CYP19A1: variants seen among roughly 807,000 people sequenced by gnomAD.
CYP19A1 encodes aromatase.
Under a neutral mutation model 44.4 loss-of-function variants are expected in CYP19A1, and 32 were observed. That is an observed-to-expected ratio of 0.72 (90% confidence interval 0.54 to 0.97). The LOEUF is 0.97. Ranked by LOEUF, CYP19A1 falls within the 50% of genes least tolerant of loss-of-function variation. The pLI is 0.00. For synonymous variants in CYP19A1, 212 were observed against 215.6 expected (o/e 0.98, Z 0.14); for missense variants, 598 against 637.8 (o/e 0.94, Z 0.67).
intron 1 of CYP19A1, among the ~76,000 whole-genome samples, chr15:51,291,277 C>G (rs915116219): frequency 2.6e-5 from 4 of 152,042 alleles, no homozygotes; most frequent in African/African-American, 9.7e-5. Context: ...AGATGACATC[C>G]CTTAATATTG....
chr15:51,292,297 G>A (rs1183291428), intron 1 of CYP19A1, among the ~76,000 whole-genome samples: 1 of 152,132 alleles, frequency 6.6e-6, no homozygotes, highest in Non-Finnish European at 1.5e-5. Flanking sequence ...GTTTTATAAT[G>A]TTTCTCCTTT....
At chr15:51,291,000 G>A (rs1265970299) in intron 1 of CYP19A1, among the ~76,000 whole-genome samples, 2 of 152,176 alleles carry the variant, frequency 1.3e-5, no homozygotes, top group African/African-American at 4.8e-5. Context: ...CAGATTGGAG[G>A]CTTTGGGATA....
At chr15:51,325,026 A>T (rs959544850) in intron 1 of CYP19A1, among the ~76,000 whole-genome samples, 2 of 152,180 alleles carry the variant, frequency 1.3e-5, no homozygotes, top group African/African-American at 2.4e-5. Context: ...GTTACAAGAA[A>T]AACAAAATAA....
At chr15:51,220,695 A>G (rs920272891) in intron 5 of CYP19A1, among the ~76,000 whole-genome samples, 3 of 152,352 alleles carry the variant, frequency 2.0e-5, no homozygotes, top group African/African-American at 7.2e-5. Context: ...GGTAATGAGG[A>G]TATTCATCAC....
chr15:51,317,056 G>A (rs995505844), intron 1 of CYP19A1, among the ~76,000 whole-genome samples: 2 of 151,992 alleles, frequency 1.3e-5, no homozygotes, highest in African/African-American at 4.8e-5. Flanking sequence ...TCCCAGTCCT[G>A]GGCTACCCTC....
At chr15:51,243,727 G>A (rs925310136) in intron 1 of CYP19A1, among the ~76,000 whole-genome samples, 21 of 152,246 alleles carry the variant, frequency 1.4e-4, no homozygotes, top group Non-Finnish European at 4.4e-5. Context: ...ACCAGCAATA[G>A]GCTCAGGTGC....
intron 3 of CYP19A1, among the ~76,000 whole-genome samples, chr15:51,228,671 G>A (rs968140157): frequency 6.6e-6 from 1 of 152,228 alleles, no homozygotes; most frequent in African/African-American, 2.4e-5. Flanking sequence ...GATGTGATGA[G>A]TCATGAGACA....
At chr15:51,240,941 C>G (rs1488763606) in intron 2 of CYP19A1, among the ~76,000 whole-genome samples, 1 of 152,230 alleles carries the variant, frequency 6.6e-6, no homozygotes, top group Non-Finnish European at 1.5e-5. Context: ...GTTTCCCCTT[C>G]TGTCAAATGA....
At chr15:51,320,353 C>A (rs540795100) in intron 1 of CYP19A1, 1 of 152,490 alleles carries the variant, frequency 6.6e-6, no homozygotes, top group South Asian at 2.1e-4. Flanking sequence ...CTGCTACCCC[C>A]AGCCCTGGGT....
At chr15:51,232,855 A>G (rs1387047081) in intron 3 of CYP19A1, among the ~76,000 whole-genome samples, 5 of 152,220 alleles carry the variant, frequency 3.3e-5, no homozygotes, top group Admixed American at 3.3e-4. Flanking sequence ...GCTGAAACAT[A>G]AATGAGTCAT....
intron 1 of CYP19A1, among the ~76,000 whole-genome samples, chr15:51,272,582 G>A (rs2035166458): frequency 6.6e-6 from 1 of 152,196 alleles, no homozygotes; most frequent in African/African-American, 2.4e-5. Context: ...CACAGAACCT[G>A]GCACAGAGAA....
intron 1 of CYP19A1, among the ~76,000 whole-genome samples, chr15:51,318,035 G>T (rs1222960211): frequency 6.6e-6 from 1 of 152,164 alleles, no homozygotes; most frequent in African/African-American, 2.4e-5. Flanking sequence ...GTTGCTAGAA[G>T]TGTAGGATCT....
chr15:51,238,142 C>T (rs1385276675), intron 2 of CYP19A1, among the ~76,000 whole-genome samples: 2 of 152,098 alleles, frequency 1.3e-5, no homozygotes, highest in African/African-American at 4.8e-5. Flanking sequence ...CTCTTTTTTC[C>T]CTTTAAATAA....
At chr15:51,289,929 C>A (rs2035804554) in intron 1 of CYP19A1, among the ~76,000 whole-genome samples, 2 of 152,136 alleles carry the variant, frequency 1.3e-5, no homozygotes, top group Admixed American at 1.3e-4. Flanking sequence ...CTGAACAGCA[C>A]CCCCAACTTC....
At chr15:51,328,582 G>GTT (rs1471017117) in intron 1 of CYP19A1, among the ~76,000 whole-genome samples, 2 of 141,242 alleles carry the variant, frequency 1.4e-5, no homozygotes, top group Non-Finnish European at 3.1e-5. Context: ...GTGTGTGTGT[G>GTT]TGTACATGTG....
intron 4 of CYP19A1, among the ~76,000 whole-genome samples, chr15:51,226,325 A>G (rs1213073761): frequency 2.0e-5 from 3 of 152,330 alleles, no homozygotes; most frequent in South Asian, 2.1e-4. Context: ...AGAAAGGCAC[A>G]TAGCCTTGCC....
chr15:51,328,550 GTGT>G (rs1242489391), intron 1 of CYP19A1, among the ~76,000 whole-genome samples: 4 of 36,192 alleles, frequency 1.1e-4, no homozygotes, highest in African/African-American at 4.2e-4. Context: ...GGGCAGGGGT[GTGT>G]GTGTGTGTGT....
chr15:51,234,405 G>T (rs1018914387), intron 3 of CYP19A1, among the ~76,000 whole-genome samples: 1 of 152,174 alleles, frequency 6.6e-6, no homozygotes, highest in Non-Finnish European at 1.5e-5. Flanking sequence ...GTCGGTCGGG[G>T]TTGTTGGAGT....
At chr15:51,300,178 C>G (rs2036082542) in intron 1 of CYP19A1, among the ~76,000 whole-genome samples, 1 of 152,128 alleles carries the variant, frequency 6.6e-6, no homozygotes, top group African/African-American at 2.4e-5. Context: ...TGATTTTCTT[C>G]ATAGAAATCC....
Sources: allele counts gnomAD v4.1 joint callset (sites outside exome capture counted in the v4.1 genomes callset), GRCh38; gene constraint gnomAD v4.1.1; transcripts MANE v1.5; gene names NCBI Gene and HGNC (gene_info 2026-07-23, HGNC 2026-07-21).